Variants in COMMD1 observed in about 807,000 individuals in gnomAD.
COMMD1 encodes the protein copper metabolism domain containing 1.
COMMD1 carries 10 observed loss-of-function variants against 17.2 expected under a neutral mutation model. The ratio of observed to expected loss-of-function variants is 0.58; its 90% CI spans 0.36 to 0.99. COMMD1 has a LOEUF of 0.99. COMMD1 is among the 50% of genes least tolerant of loss of function. The pLI is 0.01. For synonymous variants in COMMD1, 97 were observed against 91.6 expected (o/e 1.06, Z -0.34); for missense variants, 270 against 231.8 (o/e 1.17, Z -1.07).
chr2:61,898,102 A>T (rs1669589268), intron 1 of COMMD1, among the ~76,000 whole-genome samples: 1 of 152,218 alleles, frequency 6.6e-6, no homozygotes, highest in South Asian at 2.1e-4. Flanking sequence ...CCTTACCAGA[A>T]TGTAAGATTT....
chr2:62,099,596 T>C (rs374523402), intron 2 of COMMD1, among the ~76,000 whole-genome samples: 17 of 151,776 alleles, frequency 1.1e-4, no homozygotes, highest in African/African-American at 4.1e-4. Context: ...TTAAGAGCAA[T>C]TGACCTGTGG....
intron 2 of COMMD1, among the ~76,000 whole-genome samples, chr2:62,039,965 G>C (rs970603939): frequency 1.3e-5 from 2 of 152,192 alleles, no homozygotes; most frequent in Non-Finnish European, 2.9e-5. Context: ...TTTGTTAAGA[G>C]TACCGCTTAG....
intron 1 of COMMD1, among the ~76,000 whole-genome samples, chr2:61,951,328 C>CGCGT (rs1488867696): frequency 6.6e-6 from 1 of 152,036 alleles, no homozygotes; most frequent in Non-Finnish European, 1.5e-5. Context: ...GGCATGGTGG[C>CGCGT]GCGTGCCTGT....
chr2:61,914,120 G>A (rs1341413423), intron 1 of COMMD1, among the ~76,000 whole-genome samples: 2 of 148,042 alleles, frequency 1.4e-5, no homozygotes, highest in African/African-American at 2.5e-5. Flanking sequence ...TGCAGTGAGC[G>A]GAGATTGCGC....
chr2:62,082,549 C>A (rs1671553275), intron 2 of COMMD1, among the ~76,000 whole-genome samples: 1 of 152,104 alleles, frequency 6.6e-6, no homozygotes, highest in Non-Finnish European at 1.5e-5. Context: ...AGCTTTGTAA[C>A]CAAAACAGTT....
intron 2 of COMMD1, among the ~76,000 whole-genome samples, chr2:62,132,182 C>T (rs948545809): frequency 3.9e-5 from 6 of 152,184 alleles, no homozygotes; most frequent in African/African-American, 1.4e-4. Flanking sequence ...CCACCACACC[C>T]GGCCTGGACT....
At chr2:61,889,318 C>T (rs1376543661) in intron 1 of COMMD1, among the ~76,000 whole-genome samples, 7 of 150,500 alleles carry the variant, frequency 4.7e-5, no homozygotes, top group African/African-American at 1.7e-4. Flanking sequence ...GCGATCCTCC[C>T]GCCACAGCCT....
Position 61,947,872 on chromosome 2 carries a change from T to C in COMMD1, c.180+42014T>C, listed in dbSNP as rs574024411. On this transcript the variant is annotated intron_variant, in intron 1 of 2. Coordinates refer to ENST00000311832, the MANE Select transcript of COMMD1 (RefSeq NM_152516.4). ...GTCTTATTTCTACTTTTAAGACTTATGAAACACAATTGTTGAAATAGTTTG... is the reference window on the plus strand; with the variant it reads ...GTCTTATTTCTACTTTTAAGACTTACGAAACACAATTGTTGAAATAGTTTG... Among the ~76,000 whole-genome samples the C allele has an allele frequency of 7.6e-5, 11 of 145,578 alleles. No homozygotes were observed. In the East Asian group the frequency reaches 2.2e-3, roughly 28 times the overall value.
At chr2:61,891,183 G>C (rs147669150) in intron 1 of COMMD1, among the ~76,000 whole-genome samples, 76 of 152,324 alleles carry the variant, frequency 5.0e-4, no homozygotes, top group African/African-American at 1.6e-3. Context: ...TTCTACCAGT[G>C]TAAGGAGTCG....
At chr2:61,942,794 T>G (rs532657037) in intron 1 of COMMD1, among the ~76,000 whole-genome samples, 15 of 152,260 alleles carry the variant, frequency 9.9e-5, no homozygotes, top group African/African-American at 3.6e-4. Flanking sequence ...CGCCTCAGCC[T>G]CCCAAAGTGC....
chr2:61,900,817 TG>T (rs1669640584), upstream of COMMD1, among the ~76,000 whole-genome samples: 1 of 152,174 alleles, frequency 6.6e-6, no homozygotes, highest in African/African-American at 2.4e-5. Context: ...CTACATTTGG[TG>T]GGTGTTTATA....
chr2:61,925,529 C>T (rs1044064765), intron 1 of COMMD1, among the ~76,000 whole-genome samples: 1 of 152,096 alleles, frequency 6.6e-6, no homozygotes, highest in Non-Finnish European at 1.5e-5. Flanking sequence ...ACGACCTCCC[C>T]CTGTGGGGTC....
chr2:62,042,638 C>T (rs1314830260), intron 2 of COMMD1, among the ~76,000 whole-genome samples: 1 of 152,224 alleles, frequency 6.6e-6, no homozygotes, highest in Non-Finnish European at 1.5e-5. Flanking sequence ...GGGGAGCCGG[C>T]TCTGGCCTCA....
At chr2:61,897,125 C>A (rs910893459) in intron 1 of COMMD1, among the ~76,000 whole-genome samples, 1 of 152,104 alleles carries the variant, frequency 6.6e-6, no homozygotes, top group Non-Finnish European at 1.5e-5. Flanking sequence ...CCACTGTGCC[C>A]ACCTAGAGGA....
At chr2:62,078,564 A>AG (rs1671420283) in intron 2 of COMMD1, among the ~76,000 whole-genome samples, 1 of 142,978 alleles carries the variant, frequency 7.0e-6, no homozygotes, top group African/African-American at 2.7e-5. Context: ...AAAAAAAAAA[A>AG]AAAAGAAAAG....
intron 1 of COMMD1, among the ~76,000 whole-genome samples, chr2:61,924,492 C>T (rs184555264): frequency 9.2e-5 from 14 of 151,874 alleles, no homozygotes; most frequent in Middle Eastern, 3.4e-3. Context: ...GAGAAATCAG[C>T]CAGATCAAAG....
chr2:62,122,331 C>T (rs985123484), intron 2 of COMMD1, among the ~76,000 whole-genome samples: 2 of 152,022 alleles, frequency 1.3e-5, no homozygotes, highest in Admixed American at 6.6e-5. Context: ...TTGAAAGTAT[C>T]AAAACTCGGG....
At chr2:61,888,551 G>T (rs930619000), upstream of COMMD1, 1 of 1,593,792 alleles carries the variant, frequency 6.3e-7, no homozygotes. Context: ...AGGACGGATG[G>T]ACCCGGATTC....
At chr2:62,036,756 G>T (rs1004472639) in intron 2 of COMMD1, among the ~76,000 whole-genome samples, 1 of 152,004 alleles carries the variant, frequency 6.6e-6, no homozygotes, top group Admixed American at 6.6e-5. Flanking sequence ...CTTCCACCTT[G>T]GTTTTATTCT....
Sources: allele counts gnomAD v4.1 joint callset (sites outside exome capture counted in the v4.1 genomes callset), GRCh38; gene constraint gnomAD v4.1.1; transcripts MANE v1.5; gene names NCBI Gene and HGNC (gene_info 2026-07-23, HGNC 2026-07-21).